Variants in VPS41 observed in about 807,000 individuals in gnomAD.
The protein encoded by VPS41 is VPS41 subunit of HOPS complex, also known as vacuolar protein sorting-associated protein 41 homolog.
A neutral mutation model predicts 130.9 loss-of-function variants in VPS41; 85 were observed. The ratio of observed to expected loss-of-function variants is 0.65; its 90% CI spans 0.55 to 0.78. VPS41 has a LOEUF of 0.78. Among genes scored for constraint, VPS41 ranks in the 30% least tolerant of loss-of-function variants. VPS41 has a pLI of 0.00. For missense variants in VPS41, 874 were observed against 1,018.7 expected, an observed-to-expected ratio of 0.86 and a Z score of 1.93; for synonymous variants, 335 against 332.9, an observed-to-expected ratio of 1.01 and a Z score of -0.07.
intron 22 of VPS41, among the ~76,000 whole-genome samples, chr7:38,748,714 AT>A (rs951473319): frequency 5.3e-5 from 8 of 152,104 alleles, no homozygotes; most frequent in East Asian, 1.9e-4. Context: ...GTTAAAAAAA[AT>A]AATCTTTCAT....
chr7:38,818,803 C>T (rs1785111502), intron 6 of VPS41, among the ~76,000 whole-genome samples: 1 of 152,196 alleles, frequency 6.6e-6, no homozygotes, highest in Admixed American at 6.5e-5. Flanking sequence ...AAATCTCACA[C>T]AATTTTACTT....
At chr7:38,765,544 G>T in intron 16 of VPS41, 36 bp downstream of exon 16, 2 of 1,365,226 alleles carry the variant, frequency 1.5e-6, no homozygotes, top group Non-Finnish European at 2.0e-6. Context: ...TATACTACTT[G>T]CAGAAACTGA....
At chr7:38,731,563 G>C (rs1354637271) in intron 25 of VPS41, among the ~76,000 whole-genome samples, 1 of 152,018 alleles carries the variant, frequency 6.6e-6, no homozygotes, top group African/African-American at 2.4e-5. Flanking sequence ...TATGTTTCAA[G>C]GTCATCTTAC....
In VPS41 at chr7:38,883,729, C is replaced by T. The variant is rs376200884; in HGVS notation, c.60+14362G>A. 2.0e-5 allele frequency among the ~76,000 whole-genome samples: 3 copies of T among 152,184 alleles called. 1 individual carries two copies. Among genetic ancestry groups the T allele is most frequent in the East Asian group, 1.9e-4 (1 of 5,184 alleles). On this transcript the variant is annotated intron_variant, in intron 2 of 28. Coordinates refer to ENST00000310301, the MANE Select transcript of VPS41 (RefSeq NM_014396.4). ...CTAGGTAGTGAAATTATAAATTCTG[C>T]TCAAATATATATCATACCAGGGGAG...
chr7:38,769,652 G>C (rs571694625), intron 14 of VPS41, among the ~76,000 whole-genome samples: 1 of 152,286 alleles, frequency 6.6e-6, no homozygotes, highest in South Asian at 2.1e-4. Context: ...AGTCAGCCTA[G>C]ATTTTTACTC....
intron 3 of VPS41, among the ~76,000 whole-genome samples, chr7:38,866,173 A>C (rs1317147715): frequency 6.6e-6 from 1 of 152,184 alleles, no homozygotes; most frequent in African/African-American, 2.4e-5. Flanking sequence ...TATGGCAGAA[A>C]GTGGTTAAGA....
intron 6 of VPS41, among the ~76,000 whole-genome samples, chr7:38,818,411 C>T (rs992586826): frequency 9.2e-5 from 14 of 152,108 alleles, no homozygotes; most frequent in Non-Finnish European, 2.1e-4. Context: ...AAGAGCTAAC[C>T]GTTCAGGACT....
intron 25 of VPS41, among the ~76,000 whole-genome samples, chr7:38,737,216 A>G (rs1043328834): frequency 6.1e-4 from 93 of 152,244 alleles, no homozygotes; most frequent in Non-Finnish European, 1.0e-3. Context: ...TACTAAAAAT[A>G]CAAAAATTAG....
Position 38,832,082 on chromosome 7 carries a change from G to A in VPS41, c.247-1754C>T, listed in dbSNP as rs1785396955. 2.0e-5 allele frequency among the ~76,000 whole-genome samples: 3 copies of A among 151,498 alleles called. No homozygotes were observed. The South Asian group carries it at 6.2e-4, about 32-fold the overall frequency. ...TAATAAACTTAACCATTTTTCTTAA[G>A]TCTATTGACCAATTAATTTGATCTT... is the stretch of plus-strand genomic sequence containing the variant. On this transcript the variant is annotated intron_variant, in intron 4 of 28. Coordinates refer to ENST00000310301, the MANE Select transcript of VPS41 (RefSeq NM_014396.4).
At chr7:38,771,106 AG>A in intron 14 of VPS41, 91 bp downstream of exon 14, 1 of 907,946 alleles carries the variant, frequency 1.1e-6, no homozygotes, top group South Asian at 1.5e-5. Context: ...CTCAAAAGAT[AG>A]GAAAAACCTG....
chr7:38,783,677 A>G (rs1460004923), intron 10 of VPS41, among the ~76,000 whole-genome samples: 3 of 152,220 alleles, frequency 2.0e-5, no homozygotes, highest in African/African-American at 7.2e-5. Flanking sequence ...AATCATGACC[A>G]TAAGCCCCTT....
intron 1 of VPS41, 86 bp from the exon 2 acceptor site, chr7:38,898,215 T>C (rs1410998464): frequency 8.6e-7 from 1 of 1,162,558 alleles, no homozygotes; most frequent in Non-Finnish European, 1.3e-6. Flanking sequence ...ATGTTCCTAC[T>C]ACCACGCATC....
intron 6 of VPS41, among the ~76,000 whole-genome samples, chr7:38,820,691 T>C (rs796427124): frequency 3.9e-5 from 6 of 152,332 alleles, no homozygotes; most frequent in African/African-American, 1.4e-4. Flanking sequence ...CCAAATAAAT[T>C]GGACAATTTG....
In VPS41 at chr7:38,795,446, T is replaced by C. The variant is rs1227174797; in HGVS notation, c.717+19A>G. On this transcript the variant is annotated intron_variant, in intron 9 of 28. Transcript: ENST00000310301. ...GATCTATAACAACACGGACTTATTA[T>C]AAAGACAAGCAAAACCACCTTGACA... is the stretch of plus-strand genomic sequence containing the variant. 4.4e-6 allele frequency: 7 copies of C among 1,605,926 alleles called. No homozygotes were observed. The highest frequency in any genetic ancestry group is 6.0e-6 in the Non-Finnish European group (7 of 1,175,532).
chr7:38,893,002 A>G (rs1786899412), intron 2 of VPS41, among the ~76,000 whole-genome samples: 1 of 152,066 alleles, frequency 6.6e-6, no homozygotes, highest in Non-Finnish European at 1.5e-5. Context: ...GGGGACTTCC[A>G]TGAGAACCAC....
chr7:38,798,481 C>T (rs765483391), intron 7 of VPS41, among the ~76,000 whole-genome samples: 15 of 151,956 alleles, frequency 9.9e-5, no homozygotes, highest in African/African-American at 2.7e-4. Context: ...TTAGTAGAGA[C>T]GGGGTTTCAC....
intron 7 of VPS41, among the ~76,000 whole-genome samples, chr7:38,806,844 C>T (rs1784847743): frequency 6.6e-6 from 1 of 152,218 alleles, no homozygotes; most frequent in South Asian, 2.1e-4. Flanking sequence ...GCTAGCCTGG[C>T]ACCCACAGCA....
At chr7:38,828,054 T>C (rs1379037337) in intron 5 of VPS41, among the ~76,000 whole-genome samples, 2 of 152,088 alleles carry the variant, frequency 1.3e-5, no homozygotes, top group Admixed American at 6.5e-5. Context: ...TTCAGACATG[T>C]CTACACAAAT....
rs1177831789 is a variant in VPS41, at chr7:38,862,732, A to G, written c.169-110T>C. On this transcript the variant is annotated intron_variant, in intron 3 of 28. Coordinates refer to ENST00000310301, the MANE Select transcript of VPS41 (RefSeq NM_014396.4). ...ATGCTTAATGCATAAATGATCTGCA[A>G]TGTCTCAAAAGATATGCATGCCTTG... is the stretch of plus-strand genomic sequence containing the variant. The G allele has an allele frequency of 1.4e-5, 9 of 645,102 alleles. No homozygotes were observed. In the Admixed American group the frequency reaches 1.8e-4, roughly 13 times the overall value. The allele number at this position is 645,102 out of a possible 1,614,324, so 40.0% of individuals were successfully genotyped here.
Sources: gnomAD v4.1 joint callset for allele counts (sites outside exome capture counted in the v4.1 genomes callset) on GRCh38, gnomAD v4.1.1 for gene constraint, MANE v1.5 for transcripts, NCBI Gene and HGNC (gene_info 2026-07-23, HGNC 2026-07-21) for gene names.